The following NBEA variants were observed in gnomAD, a reference collection of about 807,000 sequenced individuals.
NBEA encodes the protein neurobeachin.
Under a neutral mutation model 343.4 loss-of-function variants are expected in NBEA, and 44 were observed. The observed-to-expected ratio is 0.13, with a 90% CI of 0.10 to 0.16. NBEA has a LOEUF of 0.16. Ranked by LOEUF, NBEA falls within the 10% of genes least tolerant of loss-of-function variation. The pLI is 1.00. For synonymous variants in NBEA, 1,175 were observed against 1,238.7 expected (o/e 0.95, Z 1.08); for missense variants, 2,555 against 3,631.3 (o/e 0.70, Z 7.62).
At chr13:35,574,252 G>A (rs1046319695) in intron 45 of NBEA, among the ~76,000 whole-genome samples, 31 of 144,790 alleles carry the variant, frequency 2.1e-4, no homozygotes, top group African/African-American at 6.2e-4. Flanking sequence ...TCTTCCATTC[G>A]TTACCTATTA....
intron 1 of NBEA, among the ~76,000 whole-genome samples, chr13:34,969,572 C>A (rs1195567049): frequency 6.6e-6 from 1 of 151,982 alleles, no homozygotes; most frequent in East Asian, 1.9e-4. Context: ...TCCGATAGGC[C>A]CAGTGTGTGT....
At position 35,056,044 on chromosome 13, in the gene NBEA, G is replaced by A. The variant is rs2063246722; in HGVS notation, c.1007G>A (p.Arg336Gln). 6.2e-7 allele frequency: 1 copy of A among 1,604,388 alleles called. No homozygotes were observed. Among genetic ancestry groups the A allele is most frequent in the African/African-American group, 1.3e-5 (1 of 74,626 alleles). Residue 336 changes from arginine to glutamine, a missense_variant, in exon 7 of 59, where the codon CGA becomes CAA. Arg to Gln is a conservative substitution (Grantham distance 43, BLOSUM62 1). Transcript: ENST00000379939. ...YMISIVHIYN[R>Q]WRNSEIRCYV... is the part of the protein sequence containing the mutation. ...ATCAGCATTGTCCACATTTACAATCGATGGAGGAACAGTGAAATTCGGTGT... is the reference window on the plus strand; with the variant it reads ...ATCAGCATTGTCCACATTTACAATCAATGGAGGAACAGTGAAATTCGGTGT...
chr13:35,410,777 G>A (rs2043534864), intron 38 of NBEA, among the ~76,000 whole-genome samples: 1 of 152,090 alleles, frequency 6.6e-6, no homozygotes, highest in Admixed American at 6.6e-5. Flanking sequence ...GAAGTTACAA[G>A]GAGCCAAATC....
chr13:35,250,235 G>A (rs980091871), intron 34 of NBEA, among the ~76,000 whole-genome samples: 3 of 152,056 alleles, frequency 2.0e-5, no homozygotes, highest in African/African-American at 7.2e-5. Flanking sequence ...TTTAATTAAA[G>A]TGAAAAGTTT....
intron 49 of NBEA, among the ~76,000 whole-genome samples, chr13:35,636,917 A>G (rs1352609221): frequency 1.3e-5 from 2 of 152,220 alleles, no homozygotes; most frequent in East Asian, 3.8e-4. Flanking sequence ...CCTGAGTATC[A>G]ACAAATATTT....
At position 34,969,910 on chromosome 13, in the gene NBEA, C is replaced by A. The variant is rs138559175; in HGVS notation, c.294+26796C>A. On this transcript the variant is annotated intron_variant, in intron 1 of 58. Transcript: ENST00000379939. ...GATGTATATTCCTTTGGGTATATACCCAGTAATGGGATTGCTGGGTCAAGT... is the reference window on the plus strand; with the variant it reads ...GATGTATATTCCTTTGGGTATATACACAGTAATGGGATTGCTGGGTCAAGT... Among the ~76,000 whole-genome samples, 1,140 of 151,888 alleles carry A rather than the reference C, an allele frequency of 7.5e-3. 12 individuals are homozygous for A. Among genetic ancestry groups the A allele is most frequent in the African/African-American group, 0.026 (1,079 of 41,422 alleles).
intron 6 of NBEA, among the ~76,000 whole-genome samples, chr13:35,051,590 G>A (rs981952656): frequency 1.9e-4 from 29 of 151,762 alleles, no homozygotes; most frequent in African/African-American, 6.5e-4. Context: ...GATTTAAAAA[G>A]CAATGATTCT....
intron 34 of NBEA, among the ~76,000 whole-genome samples, chr13:35,279,269 C>G (rs1184998838): frequency 6.6e-6 from 1 of 152,190 alleles, no homozygotes; most frequent in Non-Finnish European, 1.5e-5. Context: ...TTGCTGTAGA[C>G]TGTAATAAAA....
chr13:35,628,165 G>C lies in NBEA; in HGVS notation c.7534G>C (p.Val2512Leu). Reference protein sequence around the residue: ...FGYKQRGPEAVRALNVFHYLT... With the variant: ...FGYKQRGPEALRALNVFHYLT... ...CTATAAGCAGCGAGGACCAGAAGCA[G>C]TTCGTGCTCTGAATGTTTTTCACTA... Residue 2512 changes from valine to leucine, a missense_variant, in exon 49 of 59, where the codon GTT becomes CTT. Around this residue, in one of 21 missense-constraint regions of NBEA, gnomAD observed 87 missense variants for 75.0 expected, o/e 1.16. Transcript: ENST00000379939. 6.2e-7 allele frequency: 1 copy of C among 1,613,338 alleles called. No homozygotes were observed. The highest frequency in any genetic ancestry group is 8.5e-7 in the Non-Finnish European group (1 of 1,179,566).
intron 38 of NBEA, among the ~76,000 whole-genome samples, chr13:35,354,234 C>T (rs61948682): frequency 0.1 from 15,440 of 152,132 alleles, 927 homozygotes; most frequent in African/African-American, 0.17. Flanking sequence ...AGCATTTTAC[C>T]CATCTACAGA....
intron 40 of NBEA, 111 bp from the exon 41 acceptor site, chr13:35,472,289 C>A (rs1054419511): frequency 7.7e-6 from 9 of 1,168,268 alleles, no homozygotes; most frequent in Non-Finnish European, 1.1e-5. Context: ...ATAATACAGG[C>A]ACCATTTTTT....
chr13:35,656,684 C>T (rs958164911), intron 55 of NBEA, among the ~76,000 whole-genome samples: 2 of 152,116 alleles, frequency 1.3e-5, no homozygotes, highest in South Asian at 2.1e-4. Context: ...AATTACTAAG[C>T]TTTCAATAGT....
At chr13:35,422,264 C>A (rs1344002769) in intron 38 of NBEA, among the ~76,000 whole-genome samples, 2 of 151,572 alleles carry the variant, frequency 1.3e-5, no homozygotes, top group South Asian at 4.2e-4. Context: ...CGTCATTTAG[C>A]ATCAGGTATA....
intron 40 of NBEA, among the ~76,000 whole-genome samples, chr13:35,453,946 A>G (rs188656967): frequency 2.6e-5 from 4 of 152,344 alleles, no homozygotes; most frequent in South Asian, 2.1e-4. Context: ...ATCAAATTAT[A>G]TGGCTCCTGA....
chr13:35,416,058 T>C (rs1432097372), intron 38 of NBEA, among the ~76,000 whole-genome samples: 1 of 152,190 alleles, frequency 6.6e-6, no homozygotes, highest in Non-Finnish European at 1.5e-5. Context: ...TGTATAGGAA[T>C]GCTTGTGATT....
chr13:35,327,073 A>G (rs528412092), intron 36 of NBEA, among the ~76,000 whole-genome samples: 1 of 152,108 alleles, frequency 6.6e-6, no homozygotes, highest in Non-Finnish European at 1.5e-5. Flanking sequence ...CAAAACCACA[A>G]TGATATACCA....
At chr13:35,132,070 A>G (rs2067458054) in intron 17 of NBEA, among the ~76,000 whole-genome samples, 1 of 152,182 alleles carries the variant, frequency 6.6e-6, no homozygotes, top group South Asian at 2.1e-4. Context: ...AATTTCTTAA[A>G]AAGTATTACC....
Position 35,160,043 on chromosome 13 carries a change from TTA to T in NBEA, c.3861+15_3861+16del. The T allele has an allele frequency of 1.3e-6, 2 of 1,531,626 alleles. No individual in the cohort carries two copies. Among genetic ancestry groups the T allele is most frequent in the Non-Finnish European group, 8.7e-7 (1 of 1,145,276 alleles). The allele number at this position is 1,531,626 out of a possible 1,614,324, so 94.9% of individuals were successfully genotyped here. A position where few individuals can be genotyped will look rare whatever the true frequency, so the allele number is the denominator to read the frequency against. ...ACTACTACGACACAAGTAAGCTACC[TTA>T]TATGAGTTCTAGAAATAAATAAAAA... On this transcript the variant is annotated intron_variant, in intron 22 of 58. Coordinates refer to ENST00000379939, the MANE Select transcript of NBEA (RefSeq NM_001385012.1).
At chr13:35,048,720 T>A in intron 5 of NBEA, 36 bp downstream of exon 5, 1 of 1,120,492 alleles carries the variant, frequency 8.9e-7, no homozygotes, top group Non-Finnish European at 1.3e-6. Flanking sequence ...CTTTTTTCTT[T>A]AAGTACTTGA....
Sources: allele counts gnomAD v4.1 joint callset (sites outside exome capture counted in the v4.1 genomes callset), GRCh38; gene constraint gnomAD v4.1.1; regional missense constraint gnomAD v4.1.1; transcripts MANE v1.5; gene names NCBI Gene and HGNC (gene_info 2026-07-23, HGNC 2026-07-21).